Variants in KCTD1 observed in about 807,000 individuals in gnomAD.
The protein encoded by KCTD1 is BTB/POZ domain-containing protein KCTD1.
Under a neutral mutation model 66.0 loss-of-function variants are expected in KCTD1, and 24 were observed. That is an observed-to-expected ratio of 0.36 (90% CI 0.26 to 0.51). The LOEUF is 0.51. Ranked by LOEUF, KCTD1 falls within the 20% of genes least tolerant of loss-of-function variation. KCTD1 has a pLI of 0.95. For missense variants in KCTD1, 943 were observed against 1,205.2 expected, an observed-to-expected ratio of 0.78 and a Z score of 3.22; for synonymous variants, 511 against 517.2, an observed-to-expected ratio of 0.99 and a Z score of 0.16.
intron 1 of KCTD1, among the ~76,000 whole-genome samples, chr18:26,602,662 C>T (rs1188982516): frequency 2.0e-5 from 3 of 152,156 alleles, no homozygotes; most frequent in African/African-American, 7.2e-5. Context: ...CTTCCACAGG[C>T]ATCAGGAACT....
At chr18:26,630,492 A>C (rs1287414030), upstream of KCTD1, among the ~76,000 whole-genome samples, 1 of 151,902 alleles carries the variant, frequency 6.6e-6, no homozygotes, top group African/African-American at 2.4e-5. Context: ...TTTTAAGAAT[A>C]TTTTGTAGAA....
chr18:26,611,550 C>T (rs1987138096), intron 1 of KCTD1, among the ~76,000 whole-genome samples: 1 of 152,114 alleles, frequency 6.6e-6, no homozygotes, highest in Non-Finnish European at 1.5e-5. Flanking sequence ...GGAGTTTCAC[C>T]ATGTTGGCCA....
At chr18:26,648,626 C>T (rs905756313) in intron 1 of KCTD1, among the ~76,000 whole-genome samples, 1 of 152,076 alleles carries the variant, frequency 6.6e-6, no homozygotes, top group Non-Finnish European at 1.5e-5. Flanking sequence ...TTATAGTGAA[C>T]GTGAAAATAT....
At chr18:26,564,018 GC>G (rs1985922753) in intron 1 of KCTD1, among the ~76,000 whole-genome samples, 1 of 136,418 alleles carries the variant, frequency 7.3e-6, no homozygotes, top group African/African-American at 3.1e-5. Context: ...AAAGAGAGGG[GC>G]TTTTTTTTTT....
At chr18:26,651,889 A>G (rs995417142) in intron 1 of KCTD1, among the ~76,000 whole-genome samples, 1 of 151,976 alleles carries the variant, frequency 6.6e-6, no homozygotes, top group South Asian at 2.1e-4. Context: ...TCAAGTGGAC[A>G]CCGAGGTTTC....
Position 26,648,213 on chromosome 18 carries a change from C to T in KCTD1, c.9+9147G>A, listed in dbSNP as rs553141880. Among the ~76,000 whole-genome samples, 6 of 152,232 alleles carry T rather than the reference C, an allele frequency of 3.9e-5. No homozygotes were observed. The East Asian group carries it at 7.7e-4, about 20-fold the overall frequency. On this transcript the variant is annotated intron_variant, in intron 1 of 4. Coordinates refer to the KCTD1 transcript ENST00000580191. ...GGTGACTCTTAGGAGGAGAAAGCAG[C>T]GCTATAAATGGGAGTGGGACCAAAC... is the stretch of plus-strand genomic sequence containing the variant.
chr18:26,657,087 C>T lies in KCTD1; in HGVS notation c.9+273G>A, dbSNP rs543770113. 9.9e-3 allele frequency among the ~76,000 whole-genome samples: 1,494 copies of T among 151,546 alleles called. 10 individuals are homozygous for T. Among genetic ancestry groups the T allele is most frequent in the African/African-American group, 0.021 (850 of 41,460 alleles). ...GCGGCCCCTGCTGGCCGCACCCGCT[C>T]CTCCTGCCCGCTCTGCTCCGCCCTG... On this transcript the variant is annotated intron_variant, in intron 1 of 4. Coordinates refer to the KCTD1 transcript ENST00000580191.
At chr18:26,570,191 A>AAAAAAAAATATAT in intron 1 of KCTD1, among the ~76,000 whole-genome samples, 2 of 132,548 alleles carry the variant, frequency 1.5e-5, no homozygotes, top group South Asian at 5.0e-4. Context: ...ATCTAAAAAA[A>AAAAAAAAATATAT]ATATATATAT....
intron 1 of KCTD1, among the ~76,000 whole-genome samples, chr18:26,610,380 C>T (rs1198576272): frequency 6.6e-6 from 1 of 152,094 alleles, no homozygotes; most frequent in Non-Finnish European, 1.5e-5. Context: ...CAAGACCAGC[C>T]TGGGTAACCG....
chr18:26,642,836 A>G (rs1473083247), upstream of KCTD1, among the ~76,000 whole-genome samples: 2 of 151,854 alleles, frequency 1.3e-5, no homozygotes, highest in Admixed American at 6.6e-5. Context: ...GCACTAAATG[A>G]ACACACTAGA....
chr18:26,606,671 G>GCC (rs1287854104), intron 1 of KCTD1, among the ~76,000 whole-genome samples: 1 of 152,166 alleles, frequency 6.6e-6, no homozygotes, highest in African/African-American at 2.4e-5. Context: ...CCCAGTCAAG[G>GCC]CCAGTTCTGA....
chr18:26,606,179 T>C (rs112252911), intron 1 of KCTD1, among the ~76,000 whole-genome samples: 9,258 of 152,304 alleles, frequency 0.061, 292 homozygotes, highest in Admixed American at 0.078. Flanking sequence ...ATCATGTAGA[T>C]TAAGCCTTCA....
Position 26,548,137 on chromosome 18 carries a change from C to T in KCTD1, c.400G>A (p.Glu134Lys), listed in dbSNP as rs1329527198. The T allele has an allele frequency of 1.5e-6, 2 of 1,330,490 alleles. No individual in the cohort carries two copies. Among genetic ancestry groups the T allele is most frequent in the East Asian group, 6.2e-5 (2 of 32,310 alleles). The allele number at this position is 1,330,490 out of a possible 1,614,324, so 82.4% of individuals were successfully genotyped here. The change falls in exon 1 of 5, where the codon GAG becomes AAG. Residue 134 changes from glutamate (E) to lysine (K), a missense_variant. Around this residue, in one of 10 missense-constraint regions of KCTD1, gnomAD observed 236 missense variants for 206.6 expected, o/e 1.14. Coordinates refer to ENST00000580059, the MANE Select transcript of KCTD1 (RefSeq NM_001142730.3). ...GGCGCCAGCAGTCGCGGCGGCGCCT[C>T]GGGCTCCAGCGCGGCGCTCTGGTCC... ...NMDQSAALEP[E>K]APPRLLAPRA...
chr18:26,496,268 C>T (rs971901658), intron 2 of KCTD1, among the ~76,000 whole-genome samples: 2 of 152,188 alleles, frequency 1.3e-5, no homozygotes, highest in African/African-American at 2.4e-5. Flanking sequence ...AGCTACAAAT[C>T]AAGCTAACAA....
upstream of KCTD1, among the ~76,000 whole-genome samples, chr18:26,629,649 G>A (rs894577318): frequency 6.6e-6 from 1 of 152,058 alleles, no homozygotes; most frequent in Admixed American, 6.5e-5. Flanking sequence ...GCAAAGTGTT[G>A]TGAGATCAGC....
intron 3 of KCTD1, among the ~76,000 whole-genome samples, chr18:26,474,782 G>C (rs1374481684): frequency 6.6e-6 from 1 of 152,006 alleles, no homozygotes; most frequent in Non-Finnish European, 1.5e-5. Context: ...TTTTTTAAAG[G>C]ATAGCTTCTG....
At chr18:26,657,004 C>T (rs1988166549) in intron 1 of KCTD1, among the ~76,000 whole-genome samples, 1 of 149,900 alleles carries the variant, frequency 6.7e-6, no homozygotes, top group African/African-American at 2.4e-5. Flanking sequence ...AGAGCCACGG[C>T]GGCTCCTCTC....
At chr18:26,499,916 A>C (rs1405010063) in intron 2 of KCTD1, among the ~76,000 whole-genome samples, 2 of 152,200 alleles carry the variant, frequency 1.3e-5, no homozygotes, top group Non-Finnish European at 2.9e-5. Context: ...ATAGCCCCCA[A>C]ATCTGGGGCA....
At chr18:26,549,036 G>C (rs1234032279), upstream of KCTD1, 1 of 985,132 alleles carries the variant, frequency 1.0e-6, no homozygotes, top group Admixed American at 6.2e-5. Flanking sequence ...GGGGGTCGGG[G>C]CGGCGGCTGC....
Sources: allele counts gnomAD v4.1 joint callset (sites outside exome capture counted in the v4.1 genomes callset), GRCh38; gene constraint gnomAD v4.1.1; regional missense constraint gnomAD v4.1.1; transcripts MANE v1.5; gene names NCBI Gene and HGNC (gene_info 2026-07-23, HGNC 2026-07-21).